ETNPPL: variants seen among roughly 807,000 people sequenced by gnomAD.
The protein encoded by ETNPPL is ethanolamine-phosphate phospho-lyase.
In ETNPPL, 30 loss-of-function variants were observed where a neutral mutation model predicts 55.5. The ratio of observed to expected loss-of-function variants is 0.54; its 90% confidence interval spans 0.40 to 0.73. The LOEUF is 0.73. Ranked by LOEUF, ETNPPL falls within the 30% of genes least tolerant of loss-of-function variation. ETNPPL has a pLI of 0.00. For synonymous variants in ETNPPL, 202 were observed against 207.2 expected, an observed-to-expected ratio of 0.98 and a Z score of 0.21; for missense variants, 528 against 607.9, an observed-to-expected ratio of 0.87 and a Z score of 1.38.
intron 5 of ETNPPL, among the ~76,000 whole-genome samples, chr4:108,753,450 C>T (rs1729007523): frequency 6.6e-6 from 1 of 152,102 alleles, no homozygotes; most frequent in African/African-American, 2.4e-5. Context: ...TGATGATTCT[C>T]AAGAAATTTG....
chr4:108,748,244 T>C (rs2125673663), intron 8 of ETNPPL, 85 bp from the exon 9 acceptor site: 1 of 866,170 alleles, frequency 1.2e-6, no homozygotes, highest in East Asian at 2.7e-5. Context: ...GGCTCATACA[T>C]ACATAAGTGA....
chr4:108,753,805 A>AAAGAAAGAAAG (rs778871409), intron 5 of ETNPPL, among the ~76,000 whole-genome samples: 71 of 117,498 alleles, frequency 6.0e-4, no homozygotes, highest in Middle Eastern at 8.9e-3. Flanking sequence ...AGAAAGAAAG[A>AAAGAAAGAAAG]AAAGAGAAGA....
At chr4:108,759,247 A>G (rs909943100) in intron 3 of ETNPPL, among the ~76,000 whole-genome samples, 4 of 150,304 alleles carry the variant, frequency 2.7e-5, no homozygotes, top group Admixed American at 2.7e-4. Context: ...GTGGATCACA[A>G]AAAATTAGCT....
At position 108,742,491 on chromosome 4, in the gene ETNPPL, T is replaced by C; in HGVS notation, c.1493A>G (p.Lys498Arg). The C allele has an allele frequency of 1.9e-6, 3 of 1,614,182 alleles. No homozygotes were observed. Among genetic ancestry groups the C allele is most frequent in the Non-Finnish European group, 2.5e-6 (3 of 1,180,002 alleles). Reference protein sequence around the residue: ...DTHSLLSKRLKT With the variant: ...DTHSLLSKRLRT ...CTTTAAAATGCAAATCAGTCATGTC[T>C]TGAGCCTCTTACTGAGCAGTGAATG... is the stretch of plus-strand genomic sequence containing the variant. The change falls in exon 13 of 13, where the codon AAG (lysine) becomes AGG (arginine). Residue 498 changes from lysine to arginine, a missense_variant. By Grantham distance (26) the Lys-to-Arg change is conservative (BLOSUM62 2). Coordinates refer to ENST00000296486, the MANE Select transcript of ETNPPL (RefSeq NM_031279.4).
intron 11 of ETNPPL, 61 bp from the exon 12 acceptor site, chr4:108,743,917 T>A: frequency 8.7e-7 from 1 of 1,144,834 alleles, no homozygotes; most frequent in South Asian, 1.3e-5. Flanking sequence ...AGAAAAAAAC[T>A]TTTTGGTATC....
intron 1 of ETNPPL, among the ~76,000 whole-genome samples, chr4:108,760,960 C>T (rs1009042936): frequency 1.6e-4 from 25 of 152,090 alleles, no homozygotes; most frequent in East Asian, 3.8e-4. Flanking sequence ...TTAAATACTA[C>T]GCAGGAAGTT....
At chr4:108,753,797 AAAG>A (rs1208041280) in intron 5 of ETNPPL, among the ~76,000 whole-genome samples, 4,094 of 122,932 alleles carry the variant, frequency 0.033, 257 homozygotes, top group East Asian at 0.3. Context: ...AGAAAGAAAG[AAAG>A]AAAGAAAAGA....
Position 108,750,625 on chromosome 4 carries a change from A to ATATATATATATATATATATATC in ETNPPL, c.701+310_701+311insGATATATATATATATATATATA, listed in dbSNP as rs1553933962. On this transcript the variant is annotated intron_variant, in intron 7 of 12. Coordinates refer to ENST00000296486, the MANE Select transcript of ETNPPL (RefSeq NM_031279.4). Reference sequence around the variant, plus strand: ...TATGATATATATAGGATATATATATATCCTATTAGTTTGGTCCCTCTAGAG... The same window carrying ATATATATATATATATATATATC: ...TATGATATATATAGGATATATATATATATATATATATATATATATATCTCCTATTAGTTTGGTCCCTCTAGAG... Among the ~76,000 whole-genome samples, 36 of 122,950 alleles carry ATATATATATATATATATATATC rather than the reference A, an allele frequency of 2.9e-4. 2 individuals are homozygous for ATATATATATATATATATATATC. The highest frequency in any genetic ancestry group is 1.2e-3 in the African/African-American group (32 of 26,122). 80.7% of individuals were successfully genotyped at this position (122,950 alleles called of 152,430 possible). A position where few individuals can be genotyped will look rare whatever the true frequency, so the allele number is the denominator to read the frequency against.
Position 108,750,625 on chromosome 4 carries a change from A to ATATATATATATATC in ETNPPL, c.701+310_701+311insGATATATATATATA, listed in dbSNP as rs1553933962. On this transcript the variant is annotated intron_variant, in intron 7 of 12. Coordinates refer to ENST00000296486, the MANE Select transcript of ETNPPL (RefSeq NM_031279.4). ...TATGATATATATAGGATATATATAT[A>ATATATATATATATC]TCCTATTAGTTTGGTCCCTCTAGAG... Among the ~76,000 whole-genome samples the ATATATATATATATC allele has an allele frequency of 1.5e-4, 18 of 122,950 alleles. 2 individuals are homozygous for ATATATATATATATC. In the East Asian group the frequency reaches 2.9e-3, roughly 20 times the overall value. The allele number at this position is 122,950 out of a possible 152,430, so 80.7% of individuals were successfully genotyped here. A position where few individuals can be genotyped will look rare whatever the true frequency, so the allele number is the denominator to read the frequency against.
Position 108,762,419 on chromosome 4 carries a change from C to A in ETNPPL, c.56+424G>T, listed in dbSNP as rs1288360444. ...AAAATTGTCAGAATTGGTTTGTTTG[C>A]GGAGCCATCATGAAAAAATATTTCT... On this transcript the variant is annotated intron_variant, in intron 1 of 12. Transcript: ENST00000296486. The A allele has an allele frequency of 5.6e-6, 3 of 538,756 alleles. No homozygotes were observed. The Admixed American group carries it at 6.7e-5, about 12-fold the overall frequency. The allele number at this position is 538,756 out of a possible 1,614,324, so 33.4% of individuals were successfully genotyped here.
At chr4:108,746,713 G>A in intron 10 of ETNPPL, 49 bp downstream of exon 10, 1 of 1,561,444 alleles carries the variant, frequency 6.4e-7, no homozygotes, top group Non-Finnish European at 8.8e-7. Context: ...CAAGTGGGTA[G>A]GCATCCTGCA....
chr4:108,760,284 C>A lies in ETNPPL; in HGVS notation c.79G>T (p.Ala27Ser), dbSNP rs762181299. The A allele has an allele frequency of 6.8e-6, 11 of 1,608,540 alleles. No homozygotes were observed. Among genetic ancestry groups the A allele is most frequent in the South Asian group, 6.6e-5 (6 of 90,544 alleles). Residue 27 changes from alanine to serine, a missense_variant, in exon 2 of 13, where the codon GCA becomes TCA. Physicochemically the swap from Ala to Ser is moderately conservative, Grantham distance 99 (BLOSUM62 1). Coordinates refer to ENST00000296486, the MANE Select transcript of ETNPPL (RefSeq NM_031279.4). Reference protein sequence around the residue: ...HIGPSCKVFFASDPIKIVRAQ... With the variant: ...HIGPSCKVFFSSDPIKIVRAQ... ...CTCACTATTTTGATGGGATCCGATG[C>A]AAAGAAAACTTTGCATGAGGGCCTA...
rs540674963 is a variant in ETNPPL at position 108,759,686 on chromosome 4, T to G, written c.335+63A>C. On this transcript the variant is annotated intron_variant, in intron 3 of 12. Coordinates refer to ENST00000296486, the MANE Select transcript of ETNPPL (RefSeq NM_031279.4). ...TCCACCATGAATCAAAAGGAAAGAT[T>G]TGTGTGCAAGAGTAGACAAAGTTTA... 1.0e-5 allele frequency: 16 copies of G among 1,527,598 alleles called. No individual in the cohort carries two copies. The African/African-American group carries it at 1.9e-4, about 18-fold the overall frequency. 94.6% of individuals were successfully genotyped at this position (1,527,598 alleles called of 1,614,324 possible). A position where few individuals can be genotyped will look rare whatever the true frequency, so the allele number is the denominator to read the frequency against.
Position 108,748,062 on chromosome 4 carries a change from T to C in ETNPPL, c.1025A>G (p.Tyr342Cys), listed in dbSNP as rs1480772544. Reference sequence around the variant, plus strand: ...CTGTTTTTTCAGTAACTCAGTGAGATAATTCCCTACTCTCTTGGCATTTCC... The same window carrying C: ...CTGTTTTTTCAGTAACTCAGTGAGACAATTCCCTACTCTCTTGGCATTTCC... The part of the protein sequence containing the change: ...LQGNAKRVGN[Y>C]LTELLKKQKA... The change falls in exon 9 of 13, where the codon TAT becomes TGT. Residue 342 changes from tyrosine (Y) to cysteine (C), a missense_variant. Coordinates refer to ENST00000296486, the MANE Select transcript of ETNPPL (RefSeq NM_031279.4). The C allele has an allele frequency of 6.2e-7, 1 of 1,612,356 alleles. No individual in the cohort carries two copies. Among genetic ancestry groups the C allele is most frequent in the Non-Finnish European group, 8.5e-7 (1 of 1,179,196 alleles).
At chr4:108,756,395 A>T in intron 4 of ETNPPL, 23 bp downstream of exon 4, 1 of 1,586,364 alleles carries the variant, frequency 6.3e-7, no homozygotes, top group Non-Finnish European at 8.7e-7. Flanking sequence ...TTCTTGCTTA[A>T]AAATCTTGTG....
At position 108,760,317 on chromosome 4, in the gene ETNPPL, T is replaced by A. The variant is rs371382375; in HGVS notation, c.57-11A>T. Reference sequence around the variant, plus strand: ...ACTTTGCATGAGGGCCTAGAAATAATCAAAGGAAACACTTTGGTCTGGTAG... The same window carrying A: ...ACTTTGCATGAGGGCCTAGAAATAAACAAAGGAAACACTTTGGTCTGGTAG... On this transcript the variant is annotated splice_polypyrimidine_tract_variant and intron_variant, in intron 1 of 12. Coordinates refer to ENST00000296486, the MANE Select transcript of ETNPPL (RefSeq NM_031279.4). 99 of 1,498,198 alleles carry A rather than the reference T, an allele frequency of 6.6e-5. No individual in the cohort carries two copies. The African/African-American group carries it at 1.3e-3, about 19-fold the overall frequency. 92.8% of individuals were successfully genotyped at this position (1,498,198 alleles called of 1,614,324 possible).
chr4:108,758,636 C>G (rs905343278), intron 3 of ETNPPL, among the ~76,000 whole-genome samples: 5 of 152,132 alleles, frequency 3.3e-5, no homozygotes, highest in African/African-American at 1.2e-4. Flanking sequence ...TGAGGCAGCC[C>G]GAGGTGCCTG....
At chr4:108,750,862 A>T in intron 7 of ETNPPL, 74 bp downstream of exon 7, 1 of 1,065,518 alleles carries the variant, frequency 9.4e-7, no homozygotes, top group Non-Finnish European at 1.5e-6. Flanking sequence ...TTAATATCTT[A>T]GCAACTAGTA....
intron 1 of ETNPPL, among the ~76,000 whole-genome samples, chr4:108,760,523 T>C (rs1277501450): frequency 6.6e-6 from 1 of 152,218 alleles, no homozygotes; most frequent in African/African-American, 2.4e-5. Flanking sequence ...ATGCTTGTTA[T>C]ATTAAATATG....
Sources: gnomAD v4.1 joint callset for allele counts (sites outside exome capture counted in the v4.1 genomes callset) on GRCh38, gnomAD v4.1.1 for gene constraint, MANE v1.5 for transcripts, NCBI Gene and HGNC (gene_info 2026-07-23, HGNC 2026-07-21) for gene names.